The following PRKN variants were observed in gnomAD, a reference collection of about 807,000 sequenced individuals.
The protein encoded by PRKN is E3 ubiquitin-protein ligase parkin.
In PRKN, 56 loss-of-function variants were observed where a neutral mutation model predicts 59.5. The observed-to-expected ratio is 0.94, with a 90% CI of 0.76 to 1.18. The LOEUF is 1.18. PRKN is among the 50% of genes most tolerant of loss of function. PRKN has a pLI of 0.00. For synonymous variants in PRKN, 250 were observed against 222.1 expected (o/e 1.13, Z -1.12); for missense variants, 657 against 596.4 (o/e 1.10, Z -1.06).
rs555248983 is a variant in PRKN, at chr6:161,396,441, T to C, written c.1084-9564A>G. 1.3e-5 allele frequency among the ~76,000 whole-genome samples: 2 copies of C among 152,298 alleles called. No individual in the cohort carries two copies. Among genetic ancestry groups the C allele is most frequent in the East Asian group, 3.9e-4 (2 of 5,176 alleles). ...CATTTCTCAGACCTTATGGAGCAGT[T>C]GGCTCCTTCTAGAACTGGAGCACTG... On this transcript the variant is annotated intron_variant, in intron 9 of 11. Transcript: ENST00000366898. This position sits in a 1 kb window ranked among gnomAD's most constrained non-coding sequence, Gnocchi z 5.4.
At chr6:161,740,134 C>T (rs1788127866) in intron 7 of PRKN, among the ~76,000 whole-genome samples, 2 of 152,118 alleles carry the variant, frequency 1.3e-5, no homozygotes, top group Admixed American at 6.5e-5. Context: ...CAATTTCTGC[C>T]CAAAGCGACT....
chr6:162,633,681 C>T (rs1340950946), intron 1 of PRKN, among the ~76,000 whole-genome samples: 1 of 151,934 alleles, frequency 6.6e-6, no homozygotes, highest in Admixed American at 6.6e-5. Context: ...TGACTGGTGT[C>T]CCCAGAACAG....
intron 1 of PRKN, among the ~76,000 whole-genome samples, chr6:162,646,270 GTT>G (rs5881488): frequency 0.065 from 9,714 of 149,710 alleles, 464 homozygotes; most frequent in East Asian, 0.29. Flanking sequence ...AAAATACAAA[GTT>G]TTTTTTTTTA....
intron 7 of PRKN, among the ~76,000 whole-genome samples, chr6:161,574,217 G>C (rs1781043534): frequency 6.6e-6 from 1 of 152,078 alleles, no homozygotes. Context: ...GTGTGAAGAT[G>C]GGGCTTAAAA....
intron 7 of PRKN, among the ~76,000 whole-genome samples, chr6:161,683,310 G>A (rs1450209822): frequency 3.9e-5 from 6 of 152,174 alleles, no homozygotes; most frequent in Non-Finnish European, 7.3e-5. Flanking sequence ...ACGCGTCTGG[G>A]TCCTGGGAAA....
rs145581293 is a variant in PRKN, at chr6:162,291,764, C to T, written c.172-28999G>A. Among the ~76,000 whole-genome samples the T allele has an allele frequency of 3.8e-4, 58 of 152,170 alleles. 1 individual carries two copies. The highest frequency in any genetic ancestry group is 2.9e-4 in the African/African-American group (12 of 41,532). On this transcript the variant is annotated intron_variant, in intron 2 of 11. Transcript: ENST00000366898. ...GTTACCCTGAGGTTATTCACCGCTA[C>T]GACAACAATCTCCAAAGACGTTTTC...
At chr6:161,728,308 G>A (rs1016363261) in intron 7 of PRKN, among the ~76,000 whole-genome samples, 8 of 151,600 alleles carry the variant, frequency 5.3e-5, no homozygotes, top group African/African-American at 1.9e-4. Flanking sequence ...TTCTCAAAAT[G>A]AAACCAATAA....
At position 161,771,382 on chromosome 6, in the gene PRKN, TAAAATAAAATAAAA is replaced by T. The variant is rs1562670965; in HGVS notation, c.871+14376_871+14389del. ...AAAAAAAAAAAAAAATAAAATAAAA[TAAAATAAAATAAAA>T]TAAAAGCACTGCTGTGCTTGAGCCA... On this transcript the variant is annotated intron_variant, in intron 7 of 11. Coordinates refer to ENST00000366898, the MANE Select transcript of PRKN (RefSeq NM_004562.3). Among the ~76,000 whole-genome samples the T allele has an allele frequency of 6.7e-3, 771 of 114,856 alleles. 27 individuals carry two copies. The highest frequency in any genetic ancestry group is 0.028 in the African/African-American group (738 of 26,432). 75.3% of individuals were successfully genotyped at this position (114,856 alleles called of 152,430 possible). A position where few individuals can be genotyped will look rare whatever the true frequency, so the allele number is the denominator to read the frequency against.
At chr6:161,933,270 C>T (rs1318334598) in intron 6 of PRKN, among the ~76,000 whole-genome samples, 2 of 152,016 alleles carry the variant, frequency 1.3e-5, no homozygotes, top group Admixed American at 1.3e-4. Context: ...CAGAGCGAGA[C>T]TCCGTTTCAA....
chr6:162,403,305 T>G (rs1787891638), intron 2 of PRKN, among the ~76,000 whole-genome samples: 1 of 152,070 alleles, frequency 6.6e-6, no homozygotes, highest in South Asian at 2.1e-4. Context: ...GCTGCTCCTT[T>G]AATCTCATTC....
chr6:161,821,715 T>C (rs1333908755), intron 6 of PRKN, among the ~76,000 whole-genome samples: 1 of 131,044 alleles, frequency 7.6e-6, no homozygotes, highest in Non-Finnish European at 1.6e-5. Context: ...TTTCCACTGG[T>C]GTTCTTTTTT....
At chr6:162,006,373 T>A (rs908150206) in intron 5 of PRKN, among the ~76,000 whole-genome samples, 2 of 152,194 alleles carry the variant, frequency 1.3e-5, no homozygotes, top group Non-Finnish European at 2.9e-5. Flanking sequence ...GTCAACCAGA[T>A]TCCACATTCA....
intron 1 of PRKN, among the ~76,000 whole-genome samples, chr6:162,522,371 G>A (rs965756824): frequency 2.0e-5 from 3 of 152,154 alleles, no homozygotes; most frequent in Admixed American, 2.0e-4. Flanking sequence ...TGATTCGCCC[G>A]CCTCGGCCTC....
chr6:162,361,228 AAGAG>A (rs1161808499), intron 2 of PRKN, among the ~76,000 whole-genome samples: 2 of 151,366 alleles, frequency 1.3e-5, no homozygotes, highest in East Asian at 1.9e-4. Context: ...ATTAGGGGAA[AAGAG>A]AGAGAGAGAG....
chr6:162,492,256 A>G (rs1792850440), intron 1 of PRKN, among the ~76,000 whole-genome samples: 1 of 152,218 alleles, frequency 6.6e-6, no homozygotes, highest in African/African-American at 2.4e-5. Flanking sequence ...AAGGGGAAAT[A>G]ATTTGCATTG....
chr6:161,920,390 T>A (rs1034977796), intron 6 of PRKN, among the ~76,000 whole-genome samples: 2 of 143,264 alleles, frequency 1.4e-5, no homozygotes, highest in Non-Finnish European at 3.1e-5. Context: ...CCAGAAAAAA[T>A]AAAAAAGGAA....
intron 7 of PRKN, among the ~76,000 whole-genome samples, chr6:161,721,649 C>T (rs1787226749): frequency 6.6e-6 from 1 of 152,226 alleles, no homozygotes; most frequent in South Asian, 2.1e-4. Flanking sequence ...TCAGGGCCCT[C>T]TTTGGTGGGC....
intron 1 of PRKN, among the ~76,000 whole-genome samples, chr6:162,539,226 A>G (rs1356583702): frequency 6.6e-6 from 1 of 152,216 alleles, no homozygotes; most frequent in African/African-American, 2.4e-5. Context: ...TAGGAATACA[A>G]TTGCAAAATA....
chr6:161,381,110 G>A (rs1295341680), intron 10 of PRKN, among the ~76,000 whole-genome samples: 3 of 152,234 alleles, frequency 2.0e-5, no homozygotes, highest in Non-Finnish European at 2.9e-5. Context: ...AATATTGACA[G>A]GTCCATGAAG....
Sources: gnomAD v4.1 joint callset for allele counts (sites outside exome capture counted in the v4.1 genomes callset) on GRCh38, gnomAD v4.1.1 for gene constraint, Gnocchi (gnomAD v3.1) non-coding constraint, MANE v1.5 for transcripts, NCBI Gene and HGNC (gene_info 2026-07-23, HGNC 2026-07-21) for gene names.